Variants in CEP250 observed in about 807,000 individuals in gnomAD.
CEP250 encodes the protein centrosome-associated protein CEP250.
Under a neutral mutation model 315.7 loss-of-function variants are expected in CEP250, and 242 were observed. The observed-to-expected ratio is 0.77, with a 90% CI of 0.69 to 0.85. The LOEUF (loss-of-function observed/expected upper bound fraction) is 0.85, where lower values mean the gene tolerates loss of function less well. CEP250 is among the 40% of genes least tolerant of loss of function. The pLI is 0.00. For synonymous variants in CEP250, 1,088 were observed against 1,175.0 expected, an observed-to-expected ratio of 0.93 and a Z score of 1.51; for missense variants, 2,515 against 2,886.4, an observed-to-expected ratio of 0.87 and a Z score of 2.95.
intron 20 of CEP250, among the ~76,000 whole-genome samples, chr20:35,488,351 A>G (rs917316660): frequency 2.6e-5 from 4 of 152,234 alleles, no homozygotes; most frequent in African/African-American, 4.8e-5. Context: ...TTTTTGAACC[A>G]GAGGGTAAAA....
chr20:35,487,296 C>T (rs1425557469), intron 20 of CEP250, among the ~76,000 whole-genome samples: 1 of 151,820 alleles, frequency 6.6e-6, no homozygotes, highest in Admixed American at 6.6e-5. Context: ...GGTGACACCC[C>T]GTCTCTACTA....
intron 20 of CEP250, among the ~76,000 whole-genome samples, chr20:35,484,426 C>T (rs959475727): frequency 6.6e-6 from 1 of 152,116 alleles, no homozygotes; most frequent in Admixed American, 6.6e-5. Flanking sequence ...TCAGAGGAGA[C>T]TTTTTTCCTA....
In CEP250 at chr20:35,508,180, C is replaced by T; in HGVS notation, c.6896C>T (p.Thr2299Ile). 1.9e-6 allele frequency: 3 copies of T among 1,614,018 alleles called. No homozygotes were observed. Among genetic ancestry groups the T allele is most frequent in the Non-Finnish European group, 2.5e-6 (3 of 1,179,978 alleles). ...CGCCACAATGTCCAGCTGCGGAGTA[C>T]CTTGGAGCAGGTGACCCCTCTTCTT... The part of the protein sequence containing the change: ...LQRHNVQLRS[T>I]LEQVERERRK... The change falls in exon 32 of 35, where the codon ACC (threonine) becomes ATC (isoleucine). Residue 2299 changes from threonine to isoleucine, a missense_variant. By Grantham distance (89) the Thr-to-Ile change is moderately conservative. Transcript: ENST00000397527.
intron 24 of CEP250, among the ~76,000 whole-genome samples, chr20:35,495,974 T>C (rs1338256642): frequency 6.6e-6 from 1 of 151,894 alleles, no homozygotes; most frequent in Admixed American, 6.6e-5. Context: ...ATAGATTGGA[T>C]GTAGGTAGGT....
At chr20:35,470,766 A>T (rs958888761) in intron 10 of CEP250, among the ~76,000 whole-genome samples, 12 of 152,208 alleles carry the variant, frequency 7.9e-5, no homozygotes, top group African/African-American at 2.9e-4. Context: ...AAAAGAGAAA[A>T]GAGAGTTTAC....
intron 16 of CEP250, among the ~76,000 whole-genome samples, chr20:35,477,430 C>A (rs1345635291): frequency 7.2e-5 from 11 of 152,366 alleles, no homozygotes; most frequent in African/African-American, 2.4e-4. Context: ...CCTGGGATTA[C>A]AGGCATGAGC....
At chr20:35,479,152 G>A (rs2063264040) in intron 17 of CEP250, 79 bp from the exon 18 acceptor site, 2 of 1,368,566 alleles carry the variant, frequency 1.5e-6, no homozygotes, top group Non-Finnish European at 1.0e-6. Context: ...CTCTGAAGAG[G>A]CAATGACCCT....
intron 1 of CEP250, 136 bp from the exon 2 acceptor site, chr20:35,458,168 T>C (rs1399600292): frequency 6.6e-6 from 1 of 152,242 alleles, no homozygotes; most frequent in Non-Finnish European, 1.5e-5. Flanking sequence ...TTGTAGCATT[T>C]ATGCCTCTAT....
At position 35,503,632 on chromosome 20, in the gene CEP250, C is replaced by A. The variant is rs756049234; in HGVS notation, c.5263C>A (p.Leu1755Met). The change falls in exon 30 of 35, where the codon CTG becomes ATG. Residue 1755 changes from leucine to methionine, a missense_variant. By Grantham distance (15) the Leu-to-Met change is conservative. Coordinates refer to ENST00000397527, the MANE Select transcript of CEP250 (RefSeq NM_007186.6). The surrounding 1 kb of genome is among the most constrained non-coding windows in gnomAD (Gnocchi z 4.2). The stretch of plus-strand genomic sequence containing the variant: ...TGAACTCCAGGAGCTCAAAGACCAG[C>A]TGGAGCAGCAGCTCCAGGGCCTGCA... ...IHELQELKDQ[L>M]EQQLQGLHRK... is the part of the protein sequence containing the mutation. 2 of 1,614,108 alleles carry A rather than the reference C, an allele frequency of 1.2e-6. No homozygotes were observed. Among genetic ancestry groups the A allele is most frequent in the East Asian group, 4.5e-5 (2 of 44,884 alleles).
intron 28 of CEP250, among the ~76,000 whole-genome samples, chr20:35,500,960 G>C (rs1281331163): frequency 1.3e-5 from 2 of 152,130 alleles, no homozygotes; most frequent in African/African-American, 2.4e-5. Flanking sequence ...TTATAAAACT[G>C]CATCTTTTGT....
At position 35,504,596 on chromosome 20, in the gene CEP250, A is replaced by G; in HGVS notation, c.6227A>G (p.Glu2076Gly). 2 of 1,614,210 alleles carry G rather than the reference A, an allele frequency of 1.2e-6. No individual in the cohort carries two copies. Among genetic ancestry groups the G allele is most frequent in the Non-Finnish European group, 1.7e-6 (2 of 1,180,034 alleles). The change falls in exon 30 of 35, where the codon GAG (glutamate) becomes GGG (glycine). Residue 2076 changes from glutamate to glycine, a missense_variant. Physicochemically the swap from Glu to Gly is moderately conservative, Grantham distance 98. Coordinates refer to ENST00000397527, the MANE Select transcript of CEP250 (RefSeq NM_007186.6). ...AQRVQENMIQEKQNLGQEREE... is the reference protein window; with the variant it reads ...AQRVQENMIQGKQNLGQEREE... ...AGGGTCCAAGAGAATATGATCCAAG[A>G]GAAGCAGAATCTGGGGCAAGAGAGA...
Position 35,479,350 on chromosome 20 carries a change from A to G in CEP250, c.2214A>G (p.Lys738=), listed in dbSNP as rs1477494162. ...VQEKEALVRE[K]AALEVRLQAV... ...AGAAGGAGGCCCTAGTACGAGAGAAAGCGGCTCTAGAGGTGCGGCTGCAGG... is the reference window on the plus strand; with the variant it reads ...AGAAGGAGGCCCTAGTACGAGAGAAGGCGGCTCTAGAGGTGCGGCTGCAGG... The change falls in exon 18 of 35, where the codon AAA becomes AAG. Residue 738 remains lysine (K), a synonymous_variant. Coordinates refer to ENST00000397527, the MANE Select transcript of CEP250 (RefSeq NM_007186.6). The G allele has an allele frequency of 2.5e-6, 4 of 1,614,016 alleles. No homozygotes were observed. Among genetic ancestry groups the G allele is most frequent in the Non-Finnish European group, 2.5e-6 (3 of 1,180,008 alleles).
At position 35,514,238 on chromosome 20, in the gene CEP250, C is replaced by G. The variant is rs1002544679; in HGVS notation, c.*2612C>G. ...CAGGGTATAACCAGAATGGTGAATC[C>G]AGCAGACGGGAGGAGTCCCTGGCAG... is the stretch of plus-strand genomic sequence containing the variant. On this transcript the variant is annotated 3_prime_UTR_variant, in exon 35 of 35. Coordinates refer to ENST00000397527, the MANE Select transcript of CEP250 (RefSeq NM_007186.6). The G allele has an allele frequency of 2.6e-5, 4 of 152,276 alleles. No homozygotes were observed. The highest frequency in any genetic ancestry group is 9.6e-5 in the African/African-American group (4 of 41,460). 9.4% of individuals were successfully genotyped at this position (152,276 alleles called of 1,614,324 possible).
chr20:35,477,727 G>A lies in CEP250; in HGVS notation c.1864-144G>A, dbSNP rs2063213135. The A allele has an allele frequency of 5.8e-6, 4 of 692,530 alleles. No individual in the cohort carries two copies. The South Asian group carries it at 7.6e-5, about 13-fold the overall frequency. The allele number at this position is 692,530 out of a possible 1,614,324, so 42.9% of individuals were successfully genotyped here. On this transcript the variant is annotated intron_variant, in intron 16 of 34. Coordinates refer to ENST00000397527, the MANE Select transcript of CEP250 (RefSeq NM_007186.6). Reference sequence around the variant, plus strand: ...ATATAGGCACTAGATCAAATGAATGGATTTTCCCCCATCTTATAAACACTC... The same window carrying A: ...ATATAGGCACTAGATCAAATGAATGAATTTTCCCCCATCTTATAAACACTC...
intron 20 of CEP250, among the ~76,000 whole-genome samples, chr20:35,487,272 A>C (rs537165880): frequency 6.6e-6 from 1 of 152,142 alleles, no homozygotes; most frequent in East Asian, 1.9e-4. Flanking sequence ...GTTTGAGACC[A>C]GTCTGGCCAA....
At chr20:35,456,420 C>T (rs556898329) in intron 1 of CEP250, among the ~76,000 whole-genome samples, 3 of 152,260 alleles carry the variant, frequency 2.0e-5, no homozygotes, top group Non-Finnish European at 4.4e-5. Flanking sequence ...TACTTTGGCC[C>T]TGGGAGTTAT....
intron 29 of CEP250, 143 bp from the exon 30 acceptor site, chr20:35,502,247 G>C (rs1448518062): frequency 2.6e-6 from 2 of 770,088 alleles, no homozygotes; most frequent in Middle Eastern, 3.8e-4. Flanking sequence ...TACAGTATCA[G>C]CTTAAGTGGA....
intron 20 of CEP250, among the ~76,000 whole-genome samples, chr20:35,484,174 TTTTTTTTCTTTTTTC>T (rs965803625): frequency 6.6e-6 from 1 of 151,994 alleles, no homozygotes; most frequent in African/African-American, 2.4e-5. Context: ...AAATTTTCCT[TTTTTTTTCTTTTTTC>T]TTTTTTTCTT....
chr20:35,497,254 T>C (rs894095516), intron 25 of CEP250, among the ~76,000 whole-genome samples: 1 of 152,138 alleles, frequency 6.6e-6, no homozygotes, highest in South Asian at 2.1e-4. Flanking sequence ...AATGTAAGCT[T>C]TCTAATTGTG....
Sources: allele counts gnomAD v4.1 joint callset (sites outside exome capture counted in the v4.1 genomes callset), GRCh38; gene constraint gnomAD v4.1.1; non-coding constraint Gnocchi (gnomAD v3.1); transcripts MANE v1.5; gene names NCBI Gene and HGNC (gene_info 2026-07-23, HGNC 2026-07-21).